Variants in RBM22 observed in about 807,000 individuals in gnomAD.
RBM22 encodes the protein RNA binding motif protein 22, also known as pre-mRNA-splicing factor RBM22.
A neutral mutation model predicts 50.1 loss-of-function variants in RBM22; 1 was observed. That is an observed-to-expected ratio of 0.02 (90% CI 0.01 to 0.09). The LOEUF is 0.09. RBM22 is among the 10% of genes least tolerant of loss of function. The probability of loss-of-function intolerance (pLI) is 1.00; values close to 1 mark genes in which losing one functional copy is unlikely to be tolerated. For missense variants in RBM22, 264 were observed against 529.3 expected (o/e 0.50, Z 4.92); for synonymous variants, 152 against 179.0 (o/e 0.85, Z 1.20).
chr5:150,697,748 TA>T (rs2151457359), intron 4 of RBM22: 1 of 344,034 alleles, frequency 2.9e-6, no homozygotes. Flanking sequence ...CCTTTAATAG[TA>T]AAAACTCTTG....
At position 150,698,500 on chromosome 5, in the gene RBM22, A is replaced by G. The variant is rs1423156588; in HGVS notation, c.270T>C (p.Tyr90=). ...ATTTATTGGACAGGTCAAACATACC[A>G]TACTCTAGGTCTAAGAGGCAGGTCT... The part of the protein sequence containing the change: ...VCQTCLLDLE[Y]GLPIQVRDAG... Residue 90 remains tyrosine, a splice_region_variant and synonymous_variant, in exon 4 of 11, where the codon TAT becomes TAC. Coordinates refer to ENST00000199814, the MANE Select transcript of RBM22 (RefSeq NM_018047.3). 6 of 1,613,850 alleles carry G rather than the reference A, an allele frequency of 3.7e-6. No homozygotes were observed. Among genetic ancestry groups the G allele is most frequent in the Non-Finnish European group, 4.2e-6 (5 of 1,179,946 alleles).
Position 150,691,640 on chromosome 5 carries a change from C to A in RBM22, c.*111G>T. 1 of 1,272,724 alleles carries A rather than the reference C, an allele frequency of 7.9e-7. No homozygotes were observed. Among genetic ancestry groups the A allele is most frequent in the Non-Finnish European group, 1.0e-6 (1 of 960,682 alleles). The allele number at this position is 1,272,724 out of a possible 1,614,324, so 78.8% of individuals were successfully genotyped here. On this transcript the variant is annotated 3_prime_UTR_variant, in exon 11 of 11. Transcript: ENST00000199814. ...GTCTCTGACTGCTCACATCTGAGCA[C>A]ATTCAGCTACCATGGAAACTACAAG...
chr5:150,695,392 A>G, intron 7 of RBM22, 114 bp downstream of exon 7: 1 of 918,924 alleles, frequency 1.1e-6, no homozygotes, highest in South Asian at 1.7e-5. Flanking sequence ...CTAACAATAG[A>G]GAGACTACAG....
At chr5:150,700,573 G>T (rs565007196) in intron 1 of RBM22, 76 bp from the exon 2 acceptor site, 15 of 1,606,052 alleles carry the variant, frequency 9.3e-6, no homozygotes, top group Non-Finnish European at 1.3e-5. Context: ...GGGGTGGCGA[G>T]GGGGCGGGAA....
chr5:150,691,554 A>T lies in RBM22; in HGVS notation c.*197T>A. 3.5e-6 allele frequency: 2 copies of T among 569,884 alleles called. No individual in the cohort carries two copies. Among genetic ancestry groups the T allele is most frequent in the Non-Finnish European group, 5.4e-6 (2 of 367,350 alleles). The allele number at this position is 569,884 out of a possible 1,614,324, so 35.3% of individuals were successfully genotyped here. ...TGTTACAGCAGTAACCAGATGTGTTAATGGCAGCTTATTTACGGTCCATCG... is the reference window on the plus strand; with the variant it reads ...TGTTACAGCAGTAACCAGATGTGTTTATGGCAGCTTATTTACGGTCCATCG... On this transcript the variant is annotated 3_prime_UTR_variant, in exon 11 of 11. Coordinates refer to ENST00000199814, the MANE Select transcript of RBM22 (RefSeq NM_018047.3).
intron 4 of RBM22, among the ~76,000 whole-genome samples, chr5:150,697,928 G>A (rs1047262340): frequency 6.6e-6 from 1 of 152,140 alleles, no homozygotes; most frequent in African/African-American, 2.4e-5. Context: ...GCCAAGGTGG[G>A]AGGACTGCTT....
In RBM22 at chr5:150,700,508, T is replaced by C. The variant is rs1159933656; in HGVS notation, c.55-11A>G. ...CAGAATGGGGAAGTCCTGGTGAAAA[T>C]GGGAAATCTGGTTGAGGACCACCCT... On this transcript the variant is annotated splice_polypyrimidine_tract_variant and intron_variant, in intron 1 of 10. Coordinates refer to ENST00000199814, the MANE Select transcript of RBM22 (RefSeq NM_018047.3). 31 of 1,613,722 alleles carry C rather than the reference T, an allele frequency of 1.9e-5. No homozygotes were observed. Among genetic ancestry groups the C allele is most frequent in the Non-Finnish European group, 2.5e-5 (30 of 1,179,962 alleles).
chr5:150,699,245 G>A lies in RBM22; in HGVS notation c.135C>T (p.Cys45=). The change falls in exon 3 of 11, where the codon TGC becomes TGT. Residue 45 remains cysteine (C), a synonymous_variant. Transcript: ENST00000199814. ...ACTCTTTAACAGACATACTTACTTT[G>A]CATTCCTTCCCATACTTTTCTTTGG... ...RMTKEKYGKE[C]KICARPFTVF... 1 of 1,588,584 alleles carries A rather than the reference G, an allele frequency of 6.3e-7. No individual in the cohort carries two copies. The highest frequency in any genetic ancestry group is 8.6e-7 in the Non-Finnish European group (1 of 1,168,890).
intron 7 of RBM22, 70 bp downstream of exon 7, chr5:150,695,436 C>A (rs937974008): frequency 8.1e-7 from 1 of 1,229,832 alleles, no homozygotes; most frequent in Non-Finnish European, 1.2e-6. Context: ...ATCATTCTTG[C>A]AGTTTTTGCA....
intron 2 of RBM22, among the ~76,000 whole-genome samples, chr5:150,700,019 T>A (rs904621889): frequency 1.3e-5 from 2 of 152,250 alleles, no homozygotes; most frequent in African/African-American, 4.8e-5. Flanking sequence ...GGGGAATGCT[T>A]ACTTTAAAGA....
At chr5:150,700,816 G>A (rs912087070) in intron 1 of RBM22, 116 bp downstream of exon 1, 11 of 1,600,948 alleles carry the variant, frequency 6.9e-6, no homozygotes, top group Admixed American at 5.2e-5. Flanking sequence ...AAGCTAGGCC[G>A]CCGCGCTGGC....
In RBM22 at chr5:150,691,923, C is replaced by T. The variant is rs1004302582; in HGVS notation, c.1133-42G>A. The T allele has an allele frequency of 3.4e-6, 5 of 1,456,814 alleles. No individual in the cohort carries two copies. The African/African-American group carries it at 5.7e-5, about 17-fold the overall frequency. 90.2% of individuals were successfully genotyped at this position (1,456,814 alleles called of 1,614,324 possible). A position where few individuals can be genotyped will look rare whatever the true frequency, so the allele number is the denominator to read the frequency against. The stretch of plus-strand genomic sequence containing the variant: ...ACAAATGTGTTAGGCTGGTAGTTTC[C>T]TTGATAACCTTTCAAACCTCTCAAT... On this transcript the variant is annotated intron_variant, in intron 10 of 10. Coordinates refer to ENST00000199814, the MANE Select transcript of RBM22 (RefSeq NM_018047.3).
Position 150,694,222 on chromosome 5 carries a change from G to T in RBM22, c.765C>A (p.Phe255Leu). Residue 255 changes from phenylalanine to leucine, a missense_variant, in exon 8 of 11, where the codon TTC (phenylalanine) becomes TTA (leucine). Physicochemically the swap from Phe to Leu is conservative, Grantham distance 22. Coordinates refer to ENST00000199814, the MANE Select transcript of RBM22 (RefSeq NM_018047.3). Reference protein sequence around the residue: ...ETDLRNHFYQFGEIRTITVVQ... With the variant: ...ETDLRNHFYQLGEIRTITVVQ... ...CAACAGTGATCGTCCGGATCTCTCCGAACTGGTAGAAATGATTTCTGAAGG... is the reference window on the plus strand; with the variant it reads ...CAACAGTGATCGTCCGGATCTCTCCTAACTGGTAGAAATGATTTCTGAAGG... The T allele has an allele frequency of 6.2e-7, 1 of 1,609,376 alleles. No individual in the cohort carries two copies. Among genetic ancestry groups the T allele is most frequent in the Non-Finnish European group, 8.5e-7 (1 of 1,178,584 alleles).
chr5:150,693,359 C>T (rs755261913), intron 8 of RBM22, 52 bp from the exon 9 acceptor site: 3 of 1,402,348 alleles, frequency 2.1e-6, no homozygotes, highest in African/African-American at 1.4e-5. Flanking sequence ...TTATCTCACA[C>T]CTCTGCTTCT....
At chr5:150,695,458 C>T in intron 7 of RBM22, 48 bp downstream of exon 7, 5 of 1,437,858 alleles carry the variant, frequency 3.5e-6, no homozygotes, top group Non-Finnish European at 4.8e-6. Flanking sequence ...ATAAATTATT[C>T]CAGGGCAGTT....
chr5:150,700,056 T>G (rs1054984474), intron 2 of RBM22, among the ~76,000 whole-genome samples: 1 of 152,218 alleles, frequency 6.6e-6, no homozygotes, highest in Non-Finnish European at 1.5e-5. Flanking sequence ...CAAAAGGCAT[T>G]TGACCAGGAT....
At chr5:150,700,888 G>C in intron 1 of RBM22, 44 bp downstream of exon 1, 1 of 1,614,106 alleles carries the variant, frequency 6.2e-7, no homozygotes, top group Non-Finnish European at 8.5e-7. Flanking sequence ...CAAGGTGCGC[G>C]GCTTCGCCTC....
At chr5:150,698,460 C>A (rs749365437) in intron 4 of RBM22, 39 bp downstream of exon 4, 15 of 1,604,988 alleles carry the variant, frequency 9.3e-6, no homozygotes, top group Non-Finnish European at 1.1e-5. Flanking sequence ...GTTTTAGGCA[C>A]CTGCACACTT....
chr5:150,698,562 C>T lies in RBM22; in HGVS notation c.208G>A (p.Val70Met), dbSNP rs1335289555. 6.2e-7 allele frequency: 1 copy of T among 1,614,014 alleles called. No individual in the cohort carries two copies. Among genetic ancestry groups the T allele is most frequent in the African/African-American group, 1.3e-5 (1 of 74,914 alleles). The change falls in exon 4 of 11, where the codon GTG becomes ATG. Residue 70 changes from valine to methionine, a missense_variant. By Grantham distance (21) the Val-to-Met change is conservative. Transcript: ENST00000199814. ...TTCAATTTACTGCAGGTTTGGCACA[C>T]TTCAGTCTTCTTGAAACGCATGCGG... Reference protein sequence around the residue: ...GVRMRFKKTEVCQTCSKLKNV... With the variant: ...GVRMRFKKTEMCQTCSKLKNV...
Sources: gnomAD v4.1 joint callset for allele counts (sites outside exome capture counted in the v4.1 genomes callset) on GRCh38, gnomAD v4.1.1 for gene constraint, MANE v1.5 for transcripts, NCBI Gene and HGNC (gene_info 2026-07-23, HGNC 2026-07-21) for gene names.